The following CPXM2 variants were observed in gnomAD, a reference collection of about 807,000 sequenced individuals.
CPXM2 encodes carboxypeptidase X, M14 family member 2, also known as inactive carboxypeptidase-like protein X2.
A neutral mutation model predicts 86.1 loss-of-function variants in CPXM2; 66 were observed. That is an observed-to-expected ratio of 0.77 (90% CI 0.63 to 0.94). The LOEUF is 0.94. CPXM2 is among the 40% of genes least tolerant of loss of function. CPXM2 has a pLI of 0.00. For synonymous variants in CPXM2, 388 were observed against 400.2 expected (o/e 0.97, Z 0.36); for missense variants, 948 against 1,026.3 (o/e 0.92, Z 1.04).
Position 123,754,984 on chromosome 10 carries a change from T to C in CPXM2, c.1918-222A>G, listed in dbSNP as rs909308068. Among the ~76,000 whole-genome samples, 5 of 152,368 alleles carry C rather than the reference T, an allele frequency of 3.3e-5. No individual in the cohort carries two copies. In the South Asian group the frequency reaches 6.2e-4, roughly 19 times the overall value. ...AGGTCTTAATGTAAGAAAAGTGAAC[T>C]TATTTCTGAAGCTAGCATTAGGGAA... is the stretch of plus-strand genomic sequence containing the variant. On this transcript the variant is annotated intron_variant, in intron 12 of 13. Transcript: ENST00000241305. The surrounding 1 kb of genome is among the most constrained non-coding windows in gnomAD (Gnocchi z 4.0).
At chr10:123,884,605 G>C (rs558042032) in intron 1 of CPXM2, among the ~76,000 whole-genome samples, 1 of 152,306 alleles carries the variant, frequency 6.6e-6, no homozygotes, top group African/African-American at 2.4e-5. Context: ...GGAGCCCGGG[G>C]GGAGGCTGTG....
At chr10:123,752,481 T>C in intron 13 of CPXM2, 1 of 985,428 alleles carries the variant, frequency 1.0e-6, no homozygotes, top group Non-Finnish European at 1.2e-6. Context: ...CCCATTTACA[T>C]ATTTGGTCTT....
intron 3 of CPXM2, among the ~76,000 whole-genome samples, chr10:123,849,232 A>G (rs1440200287): frequency 6.6e-6 from 1 of 152,052 alleles, no homozygotes; most frequent in African/African-American, 2.4e-5. Flanking sequence ...TGAAAATGCT[A>G]ATGAGCTGTA....
At chr10:123,767,297 G>A (rs1846501775) in intron 9 of CPXM2, 145 bp from the exon 10 acceptor site, 3 of 683,736 alleles carry the variant, frequency 4.4e-6, no homozygotes, top group South Asian at 2.1e-5. Flanking sequence ...GGCATCTAAA[G>A]GAGAATATTG....
At chr10:123,822,443 T>A (rs1590037933) in intron 4 of CPXM2, among the ~76,000 whole-genome samples, 1 of 152,216 alleles carries the variant, frequency 6.6e-6, no homozygotes, top group East Asian at 1.9e-4. Context: ...GTGGAGAACA[T>A]AGAGATTGCA....
At position 123,830,872 on chromosome 10, in the gene CPXM2, C is replaced by CTCTCTCTGTGTGTGTG. The variant is rs1258897184; in HGVS notation, c.653+11476_653+11477insCACACACACAGAGAGA. 9.7e-4 allele frequency among the ~76,000 whole-genome samples: 138 copies of CTCTCTCTGTGTGTGTG among 142,790 alleles called. 1 individual carries two copies. The highest frequency in any genetic ancestry group is 3.4e-3 in the African/African-American group (128 of 37,834). The allele number at this position is 142,790 out of a possible 152,430, so 93.7% of individuals were successfully genotyped here. On this transcript the variant is annotated intron_variant, in intron 4 of 13. Transcript: ENST00000241305. The stretch of plus-strand genomic sequence containing the variant: ...CACTCATCTCTCTCTCTCTCTCTCT[C>CTCTCTCTGTGTGTGTG]TGTGTGTGTGTGTGTGTGTGTGTGT...
chr10:123,834,805 T>TGGGGGGGCA (rs1848246385), intron 4 of CPXM2, among the ~76,000 whole-genome samples: 1 of 152,080 alleles, frequency 6.6e-6, no homozygotes, highest in South Asian at 2.1e-4. Context: ...CCCTCCTTGG[T>TGGGGGGGCA]GGGGGTGCAG....
intron 1 of CPXM2, among the ~76,000 whole-genome samples, chr10:123,882,346 G>A (rs28673572): frequency 1.5e-4 from 23 of 152,134 alleles, no homozygotes; most frequent in African/African-American, 2.4e-5. Context: ...ATCTCTGCCC[G>A]ACACTGCTTT....
intron 2 of CPXM2, among the ~76,000 whole-genome samples, chr10:123,901,429 T>TTG (rs3069582): frequency 0.091 from 12,687 of 138,872 alleles, 633 homozygotes; most frequent in Non-Finnish European, 0.1. Flanking sequence ...CCAAGCAAGT[T>TTG]TGTGTGTGTG....
intron 1 of CPXM2, among the ~76,000 whole-genome samples, chr10:123,882,625 T>G (rs796249833): frequency 6.6e-5 from 10 of 151,872 alleles, no homozygotes; most frequent in African/African-American, 2.4e-4. Flanking sequence ...CCCCAGAAAA[T>G]GGTGTTCACG....
chr10:123,765,415 C>T (rs961420150), intron 10 of CPXM2, among the ~76,000 whole-genome samples: 4 of 152,322 alleles, frequency 2.6e-5, no homozygotes, highest in Admixed American at 2.0e-4. Flanking sequence ...CATCCAGAGA[C>T]TCTGTACAGT....
intron 2 of CPXM2, among the ~76,000 whole-genome samples, chr10:123,869,668 T>C (rs1233245907): frequency 6.6e-6 from 1 of 152,310 alleles, no homozygotes; most frequent in East Asian, 1.9e-4. Context: ...TGCCTCATTC[T>C]ACCCCACCCC....
chr10:123,790,100 CAG>C lies in CPXM2; in HGVS notation c.889+7874_889+7875del, dbSNP rs914883774. ...ACCACTGCACTCCAACCTGGGTGGA[CAG>C]AGCAAGACTCCATCTTAAAAAAAAT... On this transcript the variant is annotated intron_variant, in intron 6 of 13. Transcript: ENST00000241305. Among the ~76,000 whole-genome samples the C allele has an allele frequency of 5.3e-5, 8 of 151,890 alleles. No individual in the cohort carries two copies. The East Asian group carries it at 1.6e-3, about 30-fold the overall frequency.
At chr10:123,752,444 A>G in intron 13 of CPXM2, 1 of 985,262 alleles carries the variant, frequency 1.0e-6, no homozygotes, top group Non-Finnish European at 1.2e-6. Flanking sequence ...GCAATCTACT[A>G]TTTTGTGGCA....
At chr10:123,784,395 C>T (rs1395349767) in intron 6 of CPXM2, among the ~76,000 whole-genome samples, 1 of 152,170 alleles carries the variant, frequency 6.6e-6, no homozygotes, top group Admixed American at 6.5e-5. Context: ...CTCTAAGCCA[C>T]CAGTTTGGGG....
rs567987245 is a variant in CPXM2, at chr10:123,776,077, A to G, written c.978+4090T>C. ...ACCATGGCCTTAGAACATGCATTCA[A>G]AAGGGATGACATCACCCCAAGGGAC... On this transcript the variant is annotated intron_variant, in intron 7 of 13. Transcript: ENST00000241305. Among the ~76,000 whole-genome samples, 6 of 152,330 alleles carry G rather than the reference A, an allele frequency of 3.9e-5. No homozygotes were observed. The East Asian group carries it at 1.2e-3, about 29-fold the overall frequency.
intron 2 of CPXM2, among the ~76,000 whole-genome samples, chr10:123,874,921 A>G (rs78574919): frequency 6.6e-6 from 1 of 152,238 alleles, no homozygotes; most frequent in Non-Finnish European, 1.5e-5. Context: ...ACATCAGAAC[A>G]TCAGAGTTCT....
chr10:123,895,111 T>TC (rs1395644398), upstream of CPXM2, among the ~76,000 whole-genome samples: 1 of 116,742 alleles, frequency 8.6e-6, no homozygotes, highest in African/African-American at 2.9e-5. Flanking sequence ...CTTTTTTTTT[T>TC]CTTTTTTTTC....
intron 3 of CPXM2, among the ~76,000 whole-genome samples, chr10:123,847,490 C>T (rs1848518288): frequency 6.6e-6 from 1 of 151,748 alleles, no homozygotes; most frequent in Non-Finnish European, 1.5e-5. Flanking sequence ...GGCACCACTG[C>T]ACTCTAGCCT....
Sources: gnomAD v4.1 joint callset for allele counts (sites outside exome capture counted in the v4.1 genomes callset) on GRCh38, gnomAD v4.1.1 for gene constraint, Gnocchi (gnomAD v3.1) non-coding constraint, MANE v1.5 for transcripts, NCBI Gene and HGNC (gene_info 2026-07-23, HGNC 2026-07-21) for gene names.